Variants in DPF3 observed in about 807,000 individuals in gnomAD.
The protein encoded by DPF3 is zinc finger protein DPF3.
In DPF3, 18 loss-of-function variants were observed where a neutral mutation model predicts 56.8. That is an observed-to-expected ratio of 0.32 (90% CI 0.22 to 0.47). DPF3 has a LOEUF of 0.47. Ranked by LOEUF, DPF3 falls within the 20% of genes least tolerant of loss-of-function variation. DPF3 has a pLI of 1.00. For synonymous variants in DPF3, 188 were observed against 180.2 expected, an observed-to-expected ratio of 1.04 and a Z score of -0.35; for missense variants, 403 against 488.8, an observed-to-expected ratio of 0.82 and a Z score of 1.65.
chr14:72,856,225 C>T (rs958521822), intron 1 of DPF3, among the ~76,000 whole-genome samples: 1 of 152,226 alleles, frequency 6.6e-6, no homozygotes, highest in African/African-American at 2.4e-5. Flanking sequence ...TTCCACTACT[C>T]CAATTCTGTT....
chr14:72,753,553 G>T (rs554630703), intron 2 of DPF3, among the ~76,000 whole-genome samples, 182 bp from the exon 3 acceptor site: 1 of 152,202 alleles, frequency 6.6e-6, no homozygotes, highest in African/African-American at 2.4e-5. Context: ...CTGACCCCAG[G>T]ACCCTGGCTC....
intron 5 of DPF3, among the ~76,000 whole-genome samples, chr14:72,714,928 T>C (rs1476887712): frequency 6.6e-6 from 1 of 152,142 alleles, no homozygotes; most frequent in Non-Finnish European, 1.5e-5. Context: ...ACAGCTGAGG[T>C]TGACAACCCC....
intron 7 of DPF3, among the ~76,000 whole-genome samples, chr14:72,685,279 C>A (rs1695669738): frequency 6.6e-6 from 1 of 152,216 alleles, no homozygotes; most frequent in African/African-American, 2.4e-5. Context: ...TTCCAAAGTC[C>A]TGACATAACT....
chr14:72,769,603 C>A (rs1393966821), intron 2 of DPF3, among the ~76,000 whole-genome samples: 13 of 149,552 alleles, frequency 8.7e-5, no homozygotes, highest in Non-Finnish European at 4.4e-5. Flanking sequence ...TCGCTTGAAC[C>A]CGGGAGGCAG....
intron 7 of DPF3, among the ~76,000 whole-genome samples, chr14:72,678,835 A>C (rs1887029012): frequency 6.6e-6 from 1 of 152,232 alleles, no homozygotes; most frequent in Non-Finnish European, 1.5e-5. Context: ...TTGCTGAGAA[A>C]ATAAAGTGAG....
intron 1 of DPF3, among the ~76,000 whole-genome samples, chr14:72,880,291 T>C (rs1326844153): frequency 5.3e-5 from 8 of 152,196 alleles, no homozygotes; most frequent in Non-Finnish European, 1.0e-4. Flanking sequence ...ATATTGCATA[T>C]TGGAGTCCCT....
chr14:72,713,324 T>C (rs948118667), intron 6 of DPF3, among the ~76,000 whole-genome samples: 3 of 152,178 alleles, frequency 2.0e-5, no homozygotes, highest in African/African-American at 2.4e-5. Context: ...TGTCACCCCA[T>C]TGGACACAGA....
chr14:72,648,284 A>G (rs1433521281), intron 8 of DPF3, among the ~76,000 whole-genome samples: 1 of 152,218 alleles, frequency 6.6e-6, no homozygotes, highest in Non-Finnish European at 1.5e-5. Context: ...CTATTGCGCC[A>G]GGCGTGGAGG....
intron 1 of DPF3, among the ~76,000 whole-genome samples, chr14:72,890,107 A>G (rs1486824485): frequency 6.6e-6 from 1 of 152,196 alleles, no homozygotes; most frequent in Non-Finnish European, 1.5e-5. Flanking sequence ...GATTTTGATA[A>G]TACAAGAGTA....
chr14:72,702,358 G>A (rs1011573872), intron 6 of DPF3, among the ~76,000 whole-genome samples: 3 of 152,162 alleles, frequency 2.0e-5, no homozygotes, highest in Non-Finnish European at 2.9e-5. Flanking sequence ...CCACCTCCAA[G>A]ACTCCAGTCC....
intron 7 of DPF3, among the ~76,000 whole-genome samples, chr14:72,690,487 C>G (rs945512272): frequency 6.6e-6 from 1 of 152,052 alleles, no homozygotes; most frequent in Non-Finnish European, 1.5e-5. Flanking sequence ...CACACACACA[C>G]GCAGGTACAC....
At chr14:72,649,948 T>C (rs1432620011) in intron 8 of DPF3, among the ~76,000 whole-genome samples, 1 of 152,148 alleles carries the variant, frequency 6.6e-6, no homozygotes, top group Non-Finnish European at 1.5e-5. Context: ...AAACAAGCAC[T>C]GGGAAAGACC....
At position 72,831,352 on chromosome 14, in the gene DPF3, GA is replaced by G. The variant is rs1025706871; in HGVS notation, c.33-59460del. Among the ~76,000 whole-genome samples, 8 of 144,924 alleles carry G rather than the reference GA, an allele frequency of 5.5e-5. No individual in the cohort carries two copies. In the East Asian group the frequency reaches 5.9e-4, roughly 11 times the overall value. ...CAAAGCACTGGTAGCTCTCCCAAGGGAAAAAAAAAACAAAAAACACACACTC... is the reference window on the plus strand; with the variant it reads ...CAAAGCACTGGTAGCTCTCCCAAGGGAAAAAAAAACAAAAAACACACACTC... On this transcript the variant is annotated intron_variant, in intron 1 of 10. Transcript: ENST00000556509.
In DPF3 at chr14:72,618,464, G is replaced by A. The variant is rs986477326; in HGVS notation, c.*833C>T. 4.6e-5 allele frequency among the ~76,000 whole-genome samples: 7 copies of A among 152,160 alleles called. No homozygotes were observed. Among genetic ancestry groups the A allele is most frequent in the African/African-American group, 9.7e-5 (4 of 41,434 alleles). On this transcript the variant is annotated 3_prime_UTR_variant, in exon 11 of 11. Transcript: ENST00000556509. ...TGGGCTGAGAGGCAGAGGCTTGACC[G>A]TCTTCCTCTGTCCATAGGCCATGAC...
At chr14:72,806,279 T>TG (rs1472837088) in intron 1 of DPF3, among the ~76,000 whole-genome samples, 2 of 152,280 alleles carry the variant, frequency 1.3e-5, no homozygotes, top group African/African-American at 4.8e-5. Flanking sequence ...TGGCCACCCG[T>TG]GGGTGGTCCT....
rs777490426 is a variant in DPF3, at chr14:72,631,115, G to A, written c.872-1379C>T. On this transcript the variant is annotated intron_variant, in intron 8 of 10. Coordinates refer to ENST00000556509, the MANE Select transcript of DPF3 (RefSeq NM_001280542.3). Reference sequence around the variant, plus strand: ...TTTGAGCTCCACAAATAGAAACCATGCTGAGTTATCTTGGAGAGGGCGAGG... The same window carrying A: ...TTTGAGCTCCACAAATAGAAACCATACTGAGTTATCTTGGAGAGGGCGAGG... Among the ~76,000 whole-genome samples, 82 of 152,180 alleles carry A rather than the reference G, an allele frequency of 5.4e-4. 1 individual carries two copies. The Middle Eastern group carries it at 9.5e-3, about 18-fold the overall frequency.
At chr14:72,652,395 C>G (rs920888092) in intron 8 of DPF3, among the ~76,000 whole-genome samples, 2 of 152,150 alleles carry the variant, frequency 1.3e-5, no homozygotes, top group African/African-American at 2.4e-5. Context: ...AGCATTCGTT[C>G]CCCAAATGAG....
At chr14:72,649,200 T>C (rs1361277595) in intron 8 of DPF3, among the ~76,000 whole-genome samples, 3 of 152,090 alleles carry the variant, frequency 2.0e-5, no homozygotes, top group Non-Finnish European at 4.4e-5. Flanking sequence ...ACCCGAAGAA[T>C]AGAAAGTTAA....
chr14:72,806,277 C>T (rs1423646758), intron 1 of DPF3, among the ~76,000 whole-genome samples: 1 of 152,160 alleles, frequency 6.6e-6, no homozygotes, highest in Non-Finnish European at 1.5e-5. Context: ...AGTGGCCACC[C>T]GTGGGTGGTC....
Sources: allele counts gnomAD v4.1 joint callset (sites outside exome capture counted in the v4.1 genomes callset), GRCh38; gene constraint gnomAD v4.1.1; transcripts MANE v1.5; gene names NCBI Gene and HGNC (gene_info 2026-07-23, HGNC 2026-07-21).